Variants in GANC observed in about 807,000 individuals in gnomAD.
GANC encodes the protein glucosidase alpha, neutral C.
Under a neutral mutation model 124.2 loss-of-function variants are expected in GANC, and 117 were observed. That is an observed-to-expected ratio of 0.94 (90% confidence interval 0.81 to 1.10). The LOEUF (loss-of-function observed/expected upper bound fraction) is 1.10, where lower values mean the gene tolerates loss of function less well. Among genes scored for constraint, GANC ranks in the 50% least tolerant of loss-of-function variants. GANC has a pLI of 0.00. For synonymous variants in GANC, 377 were observed against 376.8 expected (o/e 1.00, Z -0.01); for missense variants, 1,140 against 1,095.0 (o/e 1.04, Z -0.58).
chr15:42,335,413 C>T (rs1595782159), intron 15 of GANC, among the ~76,000 whole-genome samples: 2 of 152,284 alleles, frequency 1.3e-5, no homozygotes, highest in East Asian at 3.9e-4. Context: ...TAAAATTCAG[C>T]ATCCCTTCTT....
At chr15:42,329,524 T>A in intron 14 of GANC, 75 bp downstream of exon 14, 1 of 1,454,278 alleles carries the variant, frequency 6.9e-7, no homozygotes, top group Non-Finnish European at 9.3e-7. Context: ...CTTTGTGATA[T>A]AATGGCTATT....
At chr15:42,346,431 T>A (rs1236594880) in intron 20 of GANC, among the ~76,000 whole-genome samples, 1 of 152,156 alleles carries the variant, frequency 6.6e-6, no homozygotes, top group Non-Finnish European at 1.5e-5. Context: ...GCTTTAAAAT[T>A]GAGTGTGGTG....
At chr15:42,285,318 T>G (rs920962681) in intron 3 of GANC, among the ~76,000 whole-genome samples, 3 of 152,122 alleles carry the variant, frequency 2.0e-5, no homozygotes, top group Non-Finnish European at 4.4e-5. Context: ...GACTCTAAGG[T>G]GGGACACTGA....
chr15:42,299,057 T>C (rs756834149), intron 6 of GANC, among the ~76,000 whole-genome samples: 1 of 152,242 alleles, frequency 6.6e-6, no homozygotes, highest in Non-Finnish European at 1.5e-5. Flanking sequence ...TCTTTATTTC[T>C]TCCTCTTGCC....
intron 7 of GANC, 138 bp downstream of exon 7, chr15:42,306,750 T>A: frequency 1.6e-6 from 1 of 612,962 alleles, no homozygotes; most frequent in East Asian, 2.8e-5. Context: ...TCAGATTTGC[T>A]ATCCTTCAGT....
chr15:42,330,894 C>T (rs868522186), intron 15 of GANC, among the ~76,000 whole-genome samples: 1 of 149,704 alleles, frequency 6.7e-6, no homozygotes, highest in African/African-American at 2.5e-5. Flanking sequence ...CTCAAGCAAT[C>T]CTCCCACCGA....
rs541552458 is a variant in GANC at position 42,349,384 on chromosome 15, G to C, written c.2420G>C (p.Gly807Ala). Residue 807 changes from glycine to alanine, a missense_variant and splice_region_variant, in exon 22 of 24, where the codon GGT becomes GCT. By Grantham distance (60) the Gly-to-Ala change is moderately conservative (BLOSUM62 0). Transcript: ENST00000318010. ...YGLRVALSTK[G>A]SSVGELYLDD... is the part of the protein sequence containing the mutation. ...CTGTCTCTGTGATTCATTCTCCAGG[G>C]TTCTTCAGTGGGTGAGTTATATCTT... 1.6e-5 allele frequency: 25 copies of C among 1,584,364 alleles called. No homozygotes were observed. The South Asian group carries it at 2.8e-4, about 18-fold the overall frequency.
At chr15:42,320,005 G>A (rs187476192) in intron 10 of GANC, among the ~76,000 whole-genome samples, 1,656 of 152,164 alleles carry the variant, frequency 0.011, 21 homozygotes, top group South Asian at 0.03. Flanking sequence ...TCAACATGGT[G>A]AAACCCTCTG....
Position 42,353,203 on chromosome 15 carries a change from A to G in GANC, c.*1064A>G. On this transcript the variant is annotated 3_prime_UTR_variant, in exon 24 of 24. Transcript: ENST00000318010. ...TCAGTGGCTCCCTGCTGCCTGCCACAGCATCTGTTTTAGCAGCCTCGACTC... is the reference window on the plus strand; with the variant it reads ...TCAGTGGCTCCCTGCTGCCTGCCACGGCATCTGTTTTAGCAGCCTCGACTC... The G allele has an allele frequency of 1.0e-6, 1 of 985,922 alleles. No homozygotes were observed. The highest frequency in any genetic ancestry group is 1.2e-6 in the Non-Finnish European group (1 of 830,034). 61.1% of individuals were successfully genotyped at this position (985,922 alleles called of 1,614,324 possible).
intron 11 of GANC, 77 bp from the exon 12 acceptor site, chr15:42,326,221 A>T: frequency 4.8e-6 from 5 of 1,051,744 alleles, no homozygotes; most frequent in Non-Finnish European, 7.1e-6. Flanking sequence ...GAACCCCCAA[A>T]CTATGGCGAA....
chr15:42,300,730 A>G (rs2051937248), intron 6 of GANC, among the ~76,000 whole-genome samples: 1 of 152,202 alleles, frequency 6.6e-6, no homozygotes, highest in Non-Finnish European at 1.5e-5. Flanking sequence ...TGGATAAAGA[A>G]AATATGGGAC....
At chr15:42,291,520 T>TA (rs1421847529) in intron 4 of GANC, among the ~76,000 whole-genome samples, 2 of 152,096 alleles carry the variant, frequency 1.3e-5, no homozygotes, top group Non-Finnish European at 2.9e-5. Context: ...ATCCAGAACA[T>TA]ACCCCCTTCA....
At chr15:42,340,932 A>ATTT (rs1163635295) in intron 18 of GANC, among the ~76,000 whole-genome samples, 178 bp downstream of exon 18, 2 of 151,562 alleles carry the variant, frequency 1.3e-5, no homozygotes, top group Non-Finnish European at 2.9e-5. Flanking sequence ...TGCCCGGCTA[A>ATTT]TTTTTGTATT....
At chr15:42,331,565 T>C (rs539067904) in intron 15 of GANC, among the ~76,000 whole-genome samples, 1 of 152,264 alleles carries the variant, frequency 6.6e-6, no homozygotes, top group Non-Finnish European at 1.5e-5. Flanking sequence ...TACTATCCTG[T>C]GGACATTATT....
chr15:42,314,369 AAC>A, intron 10 of GANC: 1 of 506,484 alleles, frequency 2.0e-6, no homozygotes, highest in Non-Finnish European at 3.5e-6. Context: ...GGCATCTGAC[AAC>A]TTCTACCAGC....
chr15:42,329,462 A>G lies in GANC; in HGVS notation c.1644+13A>G. ...CGGTTTTTATCATGTAAGACATCCAAAAAGAATTAAACTGGGCTTGTGTGA... is the reference window on the plus strand; with the variant it reads ...CGGTTTTTATCATGTAAGACATCCAGAAAGAATTAAACTGGGCTTGTGTGA... On this transcript the variant is annotated intron_variant, in intron 14 of 23. Transcript: ENST00000318010. The G allele has an allele frequency of 3.7e-6, 6 of 1,600,730 alleles. No homozygotes were observed. The highest frequency in any genetic ancestry group is 5.1e-6 in the Non-Finnish European group (6 of 1,175,290).
In GANC at chr15:42,343,155, G is replaced by T. The variant is rs770814349; in HGVS notation, c.2229+1G>T. The T allele has an allele frequency of 7.4e-6, 12 of 1,613,372 alleles. No homozygotes were observed. The East Asian group carries it at 2.5e-4, about 33-fold the overall frequency. On this transcript the variant is annotated splice_donor_variant, in intron 19 of 23. Transcript: ENST00000318010. LOFTEE classifies it high-confidence loss of function. ...TGTGTTTCTTCCAGGATCAAATGAG[G>T]TAAGAGTAATAACAGCCACATATCT...
intron 9 of GANC, 31 bp from the exon 10 acceptor site, chr15:42,310,662 T>G: frequency 6.3e-7 from 1 of 1,596,120 alleles, no homozygotes; most frequent in Non-Finnish European, 8.6e-7. Context: ...AGAGGGAAAT[T>G]TCTCAAATTT....
intron 4 of GANC, among the ~76,000 whole-genome samples, chr15:42,291,543 T>C (rs187715639): frequency 6.6e-6 from 1 of 152,264 alleles, no homozygotes; most frequent in East Asian, 1.9e-4. Flanking sequence ...GAGAAACTGA[T>C]GAGGGAGCAC....
Sources: gnomAD v4.1 joint callset for allele counts (sites outside exome capture counted in the v4.1 genomes callset) on GRCh38, gnomAD v4.1.1 for gene constraint, MANE v1.5 for transcripts, NCBI Gene and HGNC (gene_info 2026-07-23, HGNC 2026-07-21) for gene names.